HSPG2: variants seen among roughly 807,000 people sequenced by gnomAD.
HSPG2 encodes heparan sulfate proteoglycan 2.
A neutral mutation model predicts 526.6 loss-of-function variants in HSPG2; 278 were observed. The ratio of observed to expected loss-of-function variants is 0.53; its 90% CI spans 0.48 to 0.58. The LOEUF is 0.58. Ranked by LOEUF, HSPG2 falls within the 20% of genes least tolerant of loss-of-function variation. HSPG2 has a pLI of 0.00. For missense variants in HSPG2, 5,354 were observed against 6,099.5 expected (o/e 0.88, Z 4.07); for synonymous variants, 2,465 against 2,555.4 (o/e 0.96, Z 1.07).
At chr1:21,866,028 A>AGCGGCCTCTTTGCTCT in intron 33 of HSPG2, among the ~76,000 whole-genome samples, 1 of 151,762 alleles carries the variant, frequency 6.6e-6, no homozygotes, top group Non-Finnish European at 1.5e-5. Flanking sequence ...GATGATGCTG[A>AGCGGCCTCTTTGCTCT]GCAGCCTCTT....
At chr1:21,869,353 A>G (rs1211179940) in intron 33 of HSPG2, 4 of 658,512 alleles carry the variant, frequency 6.1e-6, no homozygotes, top group Non-Finnish European at 7.5e-6. Context: ...AGAAAATTGG[A>G]AAGAAATAAT....
At chr1:21,927,104 C>G (rs1644217554) in intron 1 of HSPG2, among the ~76,000 whole-genome samples, 1 of 152,092 alleles carries the variant, frequency 6.6e-6, no homozygotes, top group Admixed American at 6.5e-5. Flanking sequence ...GAATCCCAGC[C>G]CCACCCGTGG....
At chr1:21,933,887 G>A (rs1446670957) in intron 1 of HSPG2, among the ~76,000 whole-genome samples, 1 of 152,240 alleles carries the variant, frequency 6.6e-6, no homozygotes, top group Non-Finnish European at 1.5e-5. Flanking sequence ...CCGCCAGGAA[G>A]GGGAGGCTCC....
intron 6 of HSPG2, chr1:21,888,673 G>A: frequency 7.3e-7 from 1 of 1,365,312 alleles, no homozygotes; most frequent in South Asian, 1.1e-5. Flanking sequence ...CTCACCTGGT[G>A]TCACTGCGAC....
chr1:21,871,101 C>T (rs1222049953), intron 33 of HSPG2, among the ~76,000 whole-genome samples: 1 of 152,068 alleles, frequency 6.6e-6, no homozygotes, highest in African/African-American at 2.4e-5. Flanking sequence ...CCGTGCTGCT[C>T]AAGAACACAT....
At chr1:21,863,767 G>T (rs1640011753) in intron 37 of HSPG2, among the ~76,000 whole-genome samples, 1 of 152,002 alleles carries the variant, frequency 6.6e-6, no homozygotes, top group Non-Finnish European at 1.5e-5. Flanking sequence ...AGCACTCTGG[G>T]AGGCCGAGGC....
chr1:21,847,789 A>G lies in HSPG2; in HGVS notation c.7925T>C (p.Val2642Ala), dbSNP rs757867547. 1 of 1,613,594 alleles carries G rather than the reference A, an allele frequency of 6.2e-7. No homozygotes were observed. The highest frequency in any genetic ancestry group is 1.3e-5 in the African/African-American group (1 of 74,946). ...GTTCAGATCCAAGGTCTGCCCTTCC[A>G]CCACCGTGGGGGAAGACGACTCGAT... is the stretch of plus-strand genomic sequence containing the variant. ...IRIESSSPTV[V>A]EGQTLDLNCV... The change falls in exon 61 of 97, where the codon GTG becomes GCG. Residue 2642 changes from valine (V) to alanine (A), a missense_variant. Val to Ala is a moderately conservative substitution (Grantham distance 64, BLOSUM62 0). Coordinates refer to ENST00000374695, the MANE Select transcript of HSPG2 (RefSeq NM_005529.7). The surrounding 1 kb of genome is among the most constrained non-coding windows in gnomAD (Gnocchi z 4.1).
At chr1:21,910,831 T>C (rs1260099295) in intron 1 of HSPG2, among the ~76,000 whole-genome samples, 3 of 152,122 alleles carry the variant, frequency 2.0e-5, no homozygotes, top group Admixed American at 2.0e-4. Context: ...GTACCTGATG[T>C]TAATTATCTG....
rs1422098104 is a variant in HSPG2 at position 21,859,823 on chromosome 1, G to A, written c.5182+12C>T. On this transcript the variant is annotated intron_variant, in intron 41 of 96. Transcript: ENST00000374695. This position sits in a 1 kb window ranked among gnomAD's most constrained non-coding sequence, Gnocchi z 5.3. The stretch of plus-strand genomic sequence containing the variant: ...TGGCTCTTGGGGCTGAGGAGCCTAG[G>A]GCCATGGGTACCTTGATGTCGCTGC... 3 of 1,610,786 alleles carry A rather than the reference G, an allele frequency of 1.9e-6. No individual in the cohort carries two copies. The highest frequency in any genetic ancestry group is 1.3e-5 in the African/African-American group (1 of 75,060).
intron 1 of HSPG2, among the ~76,000 whole-genome samples, chr1:21,908,737 A>C (rs1643511272): frequency 6.6e-6 from 1 of 152,166 alleles, no homozygotes; most frequent in South Asian, 2.1e-4. Flanking sequence ...TCTGGTTTTG[A>C]TATTTTAGAG....
chr1:21,827,297 G>A (rs2097980454), intron 91 of HSPG2, among the ~76,000 whole-genome samples: 1 of 152,160 alleles, frequency 6.6e-6, no homozygotes, highest in African/African-American at 2.4e-5. Context: ...TTTTATATGA[G>A]GCACAGAGAG....
chr1:21,847,791 C>T lies in HSPG2; in HGVS notation c.7923G>A (p.Val2641=). The change falls in exon 61 of 97, where the codon GTG becomes GTA. Residue 2641 remains valine (V), a synonymous_variant. Transcript: ENST00000374695. This position sits in a 1 kb window ranked among gnomAD's most constrained non-coding sequence, Gnocchi z 4.1. The part of the protein sequence containing the change: ...PIRIESSSPT[V]VEGQTLDLNC... ...TCAGATCCAAGGTCTGCCCTTCCAC[C>T]ACCGTGGGGGAAGACGACTCGATCC... The T allele has an allele frequency of 6.2e-7, 1 of 1,613,848 alleles. No individual in the cohort carries two copies. The highest frequency in any genetic ancestry group is 1.1e-5 in the South Asian group (1 of 91,080).
chr1:21,863,173 C>A (rs970268866), intron 37 of HSPG2, among the ~76,000 whole-genome samples: 4 of 149,966 alleles, frequency 2.7e-5, no homozygotes, highest in Non-Finnish European at 5.9e-5. Flanking sequence ...GAGATCGAGA[C>A]CATCCTGGCT....
chr1:21,829,437 C>T lies in HSPG2; in HGVS notation c.11938G>A (p.Val3980Met), dbSNP rs147860819. Reference protein sequence around the residue: ...GGKSGPVEDFVSLAMVGGHLE... With the variant: ...GGKSGPVEDFMSLAMVGGHLE... ...TGGCCGCCCACCATCGCCAGGGACA[C>T]GAAGTCCTCCACAGGCCCGCTCTTC... The change falls in exon 87 of 97, where the codon GTG (valine) becomes ATG (methionine). Residue 3980 changes from valine (V) to methionine (M), a missense_variant. Physicochemically the swap from Val to Met is conservative, Grantham distance 21. Transcript: ENST00000374695. The T allele has an allele frequency of 8.6e-5, 138 of 1,613,424 alleles. No homozygotes were observed. The African/African-American group carries it at 1.5e-3, about 18-fold the overall frequency.
intron 6 of HSPG2, chr1:21,889,710 A>G (rs1642209552): frequency 3.9e-6 from 2 of 507,170 alleles, no homozygotes; most frequent in East Asian, 3.4e-5. Flanking sequence ...ACTTGGAAGT[A>G]CAGGATAAAT....
chr1:21,837,115 G>A, intron 74 of HSPG2, 109 bp from the exon 75 acceptor site: 1 of 1,000,982 alleles, frequency 1.0e-6, no homozygotes, highest in East Asian at 2.6e-5. Context: ...ATGTTCTCCT[G>A]ATAGCCTCTC....
At position 21,861,737 on chromosome 1, in the gene HSPG2, A is replaced by C. The variant is rs1639806044; in HGVS notation, c.4955+20T>G. 3 of 1,609,964 alleles carry C rather than the reference A, an allele frequency of 1.9e-6. No homozygotes were observed. Among genetic ancestry groups the C allele is most frequent in the Non-Finnish European group, 2.5e-6 (3 of 1,176,566 alleles). On this transcript the variant is annotated intron_variant, in intron 39 of 96. Coordinates refer to ENST00000374695, the MANE Select transcript of HSPG2 (RefSeq NM_005529.7). Reference sequence around the variant, plus strand: ...ACCATTTGTCCTCCACCCTCCCCCTACTTCTGTTTACAAACTTACTGCTCA... The same window carrying C: ...ACCATTTGTCCTCCACCCTCCCCCTCCTTCTGTTTACAAACTTACTGCTCA...
rs773186894 is a variant in HSPG2 at position 21,880,187 on chromosome 1, C to T, written c.2263G>A (p.Gly755Arg). The change falls in exon 17 of 97, where the codon GGG (glycine) becomes AGG (arginine). Residue 755 changes from glycine to arginine, a missense_variant. Transcript: ENST00000374695. ...CDAHFTRVPG[G>R]PYLGTCSGCN... The stretch of plus-strand genomic sequence containing the variant: ...CCAGAGCAGGTGCCCAGGTAGGGCC[C>T]ACCAGGCACCCGAGTGAAGTGGGCA... 1.2e-6 allele frequency: 2 copies of T among 1,614,190 alleles called. No individual in the cohort carries two copies. Among genetic ancestry groups the T allele is most frequent in the African/African-American group, 1.3e-5 (1 of 75,076 alleles).
chr1:21,896,294 C>A lies in HSPG2; in HGVS notation c.80G>T (p.Arg27Met), dbSNP rs1251697584. 1.2e-6 allele frequency: 2 copies of A among 1,613,670 alleles called. No homozygotes were observed. Among genetic ancestry groups the A allele is most frequent in the Non-Finnish European group, 1.7e-6 (2 of 1,180,038 alleles). ...AGGCAGAGACAAGCCATCGTATGCC[C>A]TCAGCCCATGGGTCACCTGTAAGCA... is the stretch of plus-strand genomic sequence containing the variant. ...GRLLAVTHGL[R>M]AYDGLSLPED... Residue 27 changes from arginine to methionine, a missense_variant, in exon 2 of 97, where the codon AGG becomes ATG. Transcript: ENST00000374695.
Sources: gnomAD v4.1 joint callset for allele counts (sites outside exome capture counted in the v4.1 genomes callset) on GRCh38, gnomAD v4.1.1 for gene constraint, Gnocchi (gnomAD v3.1) non-coding constraint, MANE v1.5 for transcripts, NCBI Gene and HGNC (gene_info 2026-07-23, HGNC 2026-07-21) for gene names.